Variants in TRABD2B observed in about 807,000 individuals in gnomAD.
The protein encoded by TRABD2B is TraB domain containing 2B.
In TRABD2B, 14 loss-of-function variants were observed where a neutral mutation model predicts 40.1. That is an observed-to-expected ratio of 0.35 (90% confidence interval 0.23 to 0.55). The LOEUF (loss-of-function observed/expected upper bound fraction) is 0.55. Ranked by LOEUF, TRABD2B falls within the 20% of genes least tolerant of loss-of-function variation. TRABD2B has a pLI of 0.90. For missense variants in TRABD2B, 541 were observed against 648.6 expected (o/e 0.83, Z 1.80); for synonymous variants, 263 against 277.0 (o/e 0.95, Z 0.50).
chr1:47,952,146 C>A (rs958506387), intron 2 of TRABD2B, among the ~76,000 whole-genome samples: 1 of 152,212 alleles, frequency 6.6e-6, no homozygotes, highest in Admixed American at 6.5e-5. Flanking sequence ...AGGCATTATG[C>A]CATGTGCCAC....
At chr1:47,803,622 G>A (rs190303326) in intron 2 of TRABD2B, among the ~76,000 whole-genome samples, 1 of 152,278 alleles carries the variant, frequency 6.6e-6, no homozygotes, top group East Asian at 1.9e-4. Flanking sequence ...GCATAGTTGT[G>A]GTGATAGATA....
At chr1:47,980,606 C>G (rs1162834872) in intron 2 of TRABD2B, among the ~76,000 whole-genome samples, 1 of 152,220 alleles carries the variant, frequency 6.6e-6, no homozygotes, top group South Asian at 2.1e-4. Flanking sequence ...GGCCCTCCAT[C>G]ACATTTCCCC....
chr1:47,834,093 A>G (rs1367405265), intron 2 of TRABD2B, among the ~76,000 whole-genome samples: 1 of 152,138 alleles, frequency 6.6e-6, no homozygotes. Flanking sequence ...CTCCTTCAAA[A>G]TCCCATTCCC....
At chr1:47,793,109 G>GCCCCTACA (rs1305413779) in intron 4 of TRABD2B, among the ~76,000 whole-genome samples, 3 of 152,088 alleles carry the variant, frequency 2.0e-5, no homozygotes, top group Non-Finnish European at 4.4e-5. Context: ...TCCTGCTCCT[G>GCCCCTACA]CCCCTACACC....
At chr1:47,861,180 T>C (rs1232373394) in intron 2 of TRABD2B, among the ~76,000 whole-genome samples, 1 of 152,100 alleles carries the variant, frequency 6.6e-6, no homozygotes, top group Non-Finnish European at 1.5e-5. Context: ...TTTGATTATC[T>C]ATAGCAGTGG....
intron 2 of TRABD2B, among the ~76,000 whole-genome samples, chr1:47,900,075 CA>C (rs1418826711): frequency 6.6e-6 from 1 of 152,200 alleles, no homozygotes; most frequent in Non-Finnish European, 1.5e-5. Context: ...TTTCTCCACC[CA>C]CCCCCAAGGA....
intron 2 of TRABD2B, among the ~76,000 whole-genome samples, chr1:47,893,188 T>C (rs1644473007): frequency 6.6e-6 from 1 of 152,194 alleles, no homozygotes. Context: ...ATTTATTGTT[T>C]TCTGTTTCAC....
At chr1:47,835,536 A>G (rs1340270958) in intron 2 of TRABD2B, among the ~76,000 whole-genome samples, 1 of 152,238 alleles carries the variant, frequency 6.6e-6, no homozygotes, top group Non-Finnish European at 1.5e-5. Flanking sequence ...GGAGCAAGAG[A>G]CAACTGAACC....
chr1:47,884,907 C>T (rs1644351485), intron 2 of TRABD2B, among the ~76,000 whole-genome samples: 1 of 152,146 alleles, frequency 6.6e-6, no homozygotes, highest in Non-Finnish European at 1.5e-5. Context: ...TGAGCCAATG[C>T]ACCTAGCCAG....
intron 2 of TRABD2B, among the ~76,000 whole-genome samples, chr1:47,893,289 C>G (rs1380740978): frequency 1.3e-5 from 2 of 152,094 alleles, no homozygotes; most frequent in Non-Finnish European, 2.9e-5. Context: ...GTGTCCTCCT[C>G]ATCCCAACTC....
At chr1:47,836,496 T>C (rs1257808331) in intron 2 of TRABD2B, among the ~76,000 whole-genome samples, 1 of 152,226 alleles carries the variant, frequency 6.6e-6, no homozygotes, top group Non-Finnish European at 1.5e-5. Context: ...ATCTAGAGAC[T>C]GCATGGAATT....
intron 2 of TRABD2B, among the ~76,000 whole-genome samples, chr1:47,976,903 C>T (rs1430099922): frequency 6.6e-6 from 1 of 151,988 alleles, no homozygotes; most frequent in African/African-American, 2.4e-5. Flanking sequence ...ACCCAGTTTC[C>T]CCCAGTGGTA....
Position 47,764,262 on chromosome 1 carries a change from T to C in TRABD2B, c.*1640A>G, listed in dbSNP as rs146734925. On this transcript the variant is annotated 3_prime_UTR_variant, in exon 7 of 7. Coordinates refer to ENST00000606738, the MANE Select transcript of TRABD2B (RefSeq NM_001194986.2). Reference sequence around the variant, plus strand: ...ACCCGGCTGTGCAGCCTTGGAGAAGTGTCTCCTCTCTGTGGGCCTTATTAT... The same window carrying C: ...ACCCGGCTGTGCAGCCTTGGAGAAGCGTCTCCTCTCTGTGGGCCTTATTAT... The C allele has an allele frequency of 1.3e-5, 2 of 152,252 alleles. No homozygotes were observed. The highest frequency in any genetic ancestry group is 6.5e-5 in the Admixed American group (1 of 15,292). 9.4% of individuals were successfully genotyped at this position (152,252 alleles called of 1,614,324 possible). A position where few individuals can be genotyped will look rare whatever the true frequency, so the allele number is the denominator to read the frequency against.
chr1:47,959,652 A>C (rs1423471959), intron 2 of TRABD2B, among the ~76,000 whole-genome samples: 2 of 152,248 alleles, frequency 1.3e-5, no homozygotes, highest in Non-Finnish European at 2.9e-5. Flanking sequence ...CCCTCCCAAG[A>C]CTAAACCAGG....
At chr1:47,938,538 C>T (rs1645143729) in intron 2 of TRABD2B, among the ~76,000 whole-genome samples, 1 of 152,204 alleles carries the variant, frequency 6.6e-6, no homozygotes. Flanking sequence ...TGGGAAAATG[C>T]ATCTTTCTCC....
chr1:47,879,869 G>A (rs776418488), intron 2 of TRABD2B, among the ~76,000 whole-genome samples: 1 of 152,230 alleles, frequency 6.6e-6, no homozygotes, highest in Non-Finnish European at 1.5e-5. Context: ...TAGACAGGGA[G>A]CTGTGGGGAG....
intron 2 of TRABD2B, among the ~76,000 whole-genome samples, chr1:47,930,616 T>C (rs574971203): frequency 1.3e-5 from 2 of 152,326 alleles, no homozygotes; most frequent in Admixed American, 6.5e-5. Context: ...CTTTGGCTTA[T>C]AGTTGGCAAC....
chr1:47,905,626 C>T (rs931168889), intron 2 of TRABD2B, among the ~76,000 whole-genome samples: 10 of 152,222 alleles, frequency 6.6e-5, no homozygotes, highest in Admixed American at 6.5e-4. Flanking sequence ...AATTCTTCCA[C>T]TCTGCTGCTC....
intron 2 of TRABD2B, among the ~76,000 whole-genome samples, chr1:47,865,090 C>T (rs191801536): frequency 1.5e-4 from 23 of 152,246 alleles, no homozygotes; most frequent in Non-Finnish European, 2.6e-4. Context: ...TGACTGCTGG[C>T]GGGAAAGGAG....
Sources: gnomAD v4.1 joint callset for allele counts (sites outside exome capture counted in the v4.1 genomes callset) on GRCh38, gnomAD v4.1.1 for gene constraint, MANE v1.5 for transcripts, NCBI Gene and HGNC (gene_info 2026-07-23, HGNC 2026-07-21) for gene names.